The following GTF2IRD2 variants were observed in gnomAD, a reference collection of about 807,000 sequenced individuals.
GTF2IRD2 encodes the protein general transcription factor II-I repeat domain-containing protein 2A.
A neutral mutation model predicts 49.2 loss-of-function variants in GTF2IRD2; 8 were observed. The observed-to-expected ratio is 0.16, with a 90% confidence interval of 0.10 to 0.29. The LOEUF is 0.29. Ranked by LOEUF, GTF2IRD2 falls within the 10% of genes least tolerant of loss-of-function variation. The probability of loss-of-function intolerance (pLI) is 1.00; values close to 1 mark genes in which losing one functional copy is unlikely to be tolerated. For synonymous variants in GTF2IRD2, 47 were observed against 289.7 expected (o/e 0.16, Z 8.51); for missense variants, 130 against 725.7 (o/e 0.18, Z 9.43).
intron 1 of GTF2IRD2, among the ~76,000 whole-genome samples, chr7:74,842,215 TA>T (rs1563022493): frequency 7.4e-6 from 1 of 134,440 alleles, no homozygotes; most frequent in Non-Finnish European, 1.6e-5. Context: ...CAGTACACTT[TA>T]TTTTTTTTAA....
intron 1 of GTF2IRD2, among the ~76,000 whole-genome samples, chr7:74,842,907 A>G (rs1800971760): frequency 7.7e-6 from 1 of 130,060 alleles, no homozygotes; most frequent in Non-Finnish European, 1.6e-5. Context: ...TTGTATCTCA[A>G]TAAAACAGTT....
intron 1 of GTF2IRD2, among the ~76,000 whole-genome samples, chr7:74,845,290 AATT>A (rs1194668917): frequency 2.0e-5 from 3 of 152,296 alleles, no homozygotes; most frequent in South Asian, 2.1e-4. Context: ...GTTTCATAAT[AATT>A]ATTATCATTT....
rs1490378387 is a variant in GTF2IRD2 at position 74,831,011 on chromosome 7, T to C, written c.238+1794A>G. Reference sequence around the variant, plus strand: ...TCTTAAAAAAATCTACAAGTAAATTTCAGTGATTAGAAATTCAACTGGCAT... The same window carrying C: ...TCTTAAAAAAATCTACAAGTAAATTCCAGTGATTAGAAATTCAACTGGCAT... On this transcript the variant is annotated intron_variant, in intron 3 of 15. Coordinates refer to ENST00000451013, the MANE Select transcript of GTF2IRD2 (RefSeq NM_173537.5). Among the ~76,000 whole-genome samples the C allele has an allele frequency of 4.6e-4, 67 of 144,888 alleles. 1 individual carries two copies. The highest frequency in any genetic ancestry group is 6.8e-4 in the Non-Finnish European group (45 of 65,736).
rs182294662 is a variant in GTF2IRD2, at chr7:74,826,014, T to A, written c.239-962A>T. ...GATGGCCAGAATGGTCTCGATCTCC[T>A]GACCTCGTGATCCGCCTGCCTCGGC... On this transcript the variant is annotated intron_variant, in intron 3 of 15. Coordinates refer to ENST00000451013, the MANE Select transcript of GTF2IRD2 (RefSeq NM_173537.5). Among the ~76,000 whole-genome samples, 1,191 of 151,592 alleles carry A rather than the reference T, an allele frequency of 7.9e-3. 4 individuals carry two copies. The highest frequency in any genetic ancestry group is 0.013 in the Non-Finnish European group (854 of 67,876).
At chr7:74,831,420 T>C (rs1409838782) in intron 3 of GTF2IRD2, among the ~76,000 whole-genome samples, 1 of 150,594 alleles carries the variant, frequency 6.6e-6, no homozygotes, top group East Asian at 1.9e-4. Flanking sequence ...ATCTATCTAA[T>C]CTACTTATAC....
At chr7:74,847,606 G>A (rs1554422634) in intron 1 of GTF2IRD2, among the ~76,000 whole-genome samples, 1 of 5,308 alleles carries the variant, frequency 1.9e-4, no homozygotes, top group African/African-American at 9.1e-4. Flanking sequence ...AGGCTGAGGC[G>A]GGGAGAATTG....
intron 2 of GTF2IRD2, among the ~76,000 whole-genome samples, chr7:74,833,207 C>A: frequency 1.3e-5 from 1 of 79,178 alleles, no homozygotes; most frequent in South Asian, 5.4e-4. Context: ...CGCCTGCAAC[C>A]ACGCCTGGCT....
intron 3 of GTF2IRD2, among the ~76,000 whole-genome samples, chr7:74,826,909 G>A (rs1305216127): frequency 6.7e-6 from 1 of 148,208 alleles, no homozygotes; most frequent in African/African-American, 2.5e-5. Context: ...ACGAGGTTTC[G>A]CCATGTTGGC....
At position 74,831,504 on chromosome 7, in the gene GTF2IRD2, T is replaced by TACACACACACACACAC. The variant is rs4029807; in HGVS notation, c.238+1285_238+1300dup. On this transcript the variant is annotated intron_variant, in intron 3 of 15. Transcript: ENST00000451013. The stretch of plus-strand genomic sequence containing the variant: ...CCATAGAGACCCCTCTCTCTGTACA[T>TACACACACACACACAC]ACACACACACACACACACACACACA... 4.9e-4 allele frequency among the ~76,000 whole-genome samples: 59 copies of TACACACACACACACAC among 119,540 alleles called. 1 individual carries two copies. The highest frequency in any genetic ancestry group is 1.1e-3 in the African/African-American group (36 of 32,978). 78.4% of individuals were successfully genotyped at this position (119,540 alleles called of 152,430 possible). A position where few individuals can be genotyped will look rare whatever the true frequency, so the allele number is the denominator to read the frequency against.
At chr7:74,841,249 T>C (rs801044) in intron 1 of GTF2IRD2, among the ~76,000 whole-genome samples, 65,135 of 89,596 alleles carry the variant, frequency 0.73, 25,352 homozygotes, top group East Asian at 0.96. Context: ...CTCACTGCAA[T>C]CCCTGCCTCT....
At position 74,847,423 on chromosome 7, in the gene GTF2IRD2, C is replaced by T. The variant is rs1554422626; in HGVS notation, c.-6+3944G>A. On this transcript the variant is annotated intron_variant, in intron 1 of 15. Transcript: ENST00000451013. Reference sequence around the variant, plus strand: ...GTAAAAATGTATACTAGTAGCCAGGCGAGGTGGCTCACACCTGTAATCCCA... The same window carrying T: ...GTAAAAATGTATACTAGTAGCCAGGTGAGGTGGCTCACACCTGTAATCCCA... Among the ~76,000 whole-genome samples the T allele has an allele frequency of 1.0e-3, 49 of 47,270 alleles. 16 individuals are homozygous for T. Among genetic ancestry groups the T allele is most frequent in the African/African-American group, 4.0e-3 (46 of 11,460 alleles). 31.0% of individuals were successfully genotyped at this position (47,270 alleles called of 152,430 possible). A position where few individuals can be genotyped will look rare whatever the true frequency, so the allele number is the denominator to read the frequency against.
Position 74,850,517 on chromosome 7 carries a change from G to T in GTF2IRD2, c.-6+850C>A, listed in dbSNP as rs1445602936. ...TGATTCTATCCACACAAAATGTCCA[G>T]AATAGGCAAATCCACGGAGACAAAA... On this transcript the variant is annotated intron_variant, in intron 1 of 15. Transcript: ENST00000451013. Among the ~76,000 whole-genome samples, 35 of 47,010 alleles carry T rather than the reference G, an allele frequency of 7.4e-4. 14 individuals carry two copies. Among genetic ancestry groups the T allele is most frequent in the African/African-American group, 3.1e-3 (35 of 11,192 alleles). 30.8% of individuals were successfully genotyped at this position (47,010 alleles called of 152,430 possible). A position where few individuals can be genotyped will look rare whatever the true frequency, so the allele number is the denominator to read the frequency against.
At chr7:74,836,221 T>G (rs1800308927) in intron 2 of GTF2IRD2, 59 bp downstream of exon 2, 1 of 1,592,354 alleles carries the variant, frequency 6.3e-7, no homozygotes, top group Non-Finnish European at 8.5e-7. Context: ...GTTTCATGAT[T>G]CTGTCATTTC....
rs1796962486 is a variant in GTF2IRD2, at chr7:74,796,474, A to T, written c.*188T>A. ...CTGCTCGGGAGGCTGAGGCAGGAGA[A>T]TCGTTCGAACCCAGGAGCTGGAAGT... is the stretch of plus-strand genomic sequence containing the variant. On this transcript the variant is annotated 3_prime_UTR_variant, in exon 16 of 16. Coordinates refer to ENST00000451013, the MANE Select transcript of GTF2IRD2 (RefSeq NM_173537.5). 2 of 554,528 alleles carry T rather than the reference A, an allele frequency of 3.6e-6. No individual in the cohort carries two copies. Among genetic ancestry groups the T allele is most frequent in the Non-Finnish European group, 6.5e-6 (2 of 309,234 alleles). 34.4% of individuals were successfully genotyped at this position (554,528 alleles called of 1,614,324 possible).
At chr7:74,815,864 AAGAG>A (rs1334074407) in intron 8 of GTF2IRD2, among the ~76,000 whole-genome samples, 1 of 89,396 alleles carries the variant, frequency 1.1e-5, no homozygotes, top group Non-Finnish European at 2.3e-5. Context: ...GAAAGAAAGA[AAGAG>A]AAAATAAATT....
At chr7:74,842,872 T>C (rs1335181589) in intron 1 of GTF2IRD2, among the ~76,000 whole-genome samples, 5 of 141,414 alleles carry the variant, frequency 3.5e-5, no homozygotes, top group African/African-American at 1.4e-4. Context: ...ACACTTCAAA[T>C]GGGTGAACTG....
intron 1 of GTF2IRD2, among the ~76,000 whole-genome samples, chr7:74,844,672 C>G (rs1446669564): frequency 1.7e-4 from 4 of 23,052 alleles, no homozygotes; most frequent in Middle Eastern, 0.015. Flanking sequence ...GCGTTAGCCA[C>G]CGTGCCTGGC....
At chr7:74,830,099 A>G (rs1799715604) in intron 3 of GTF2IRD2, among the ~76,000 whole-genome samples, 1 of 146,554 alleles carries the variant, frequency 6.8e-6, no homozygotes, top group South Asian at 2.2e-4. Context: ...TTTAGCATGC[A>G]TGCCAGGTGC....
At chr7:74,818,679 G>C (rs1554418291) in intron 8 of GTF2IRD2, 1 of 146,598 alleles carries the variant, frequency 6.8e-6, no homozygotes, top group Admixed American at 6.8e-5. Flanking sequence ...TGAACTCCAG[G>C]GTTCAAGCAA....
Sources: gnomAD v4.1 joint callset for allele counts (sites outside exome capture counted in the v4.1 genomes callset) on GRCh38, gnomAD v4.1.1 for gene constraint, MANE v1.5 for transcripts, NCBI Gene and HGNC (gene_info 2026-07-23, HGNC 2026-07-21) for gene names.